Variants in LARGE1 observed in about 807,000 individuals in gnomAD.
The protein encoded by LARGE1 is LARGE xylosyl- and glucuronyltransferase 1.
In LARGE1, 43 loss-of-function variants were observed where a neutral mutation model predicts 87.6. That is an observed-to-expected ratio of 0.49 (90% CI 0.38 to 0.63). The LOEUF (loss-of-function observed/expected upper bound fraction) is 0.63, where lower values mean the gene tolerates loss of function less well. Ranked by LOEUF, LARGE1 falls within the 30% of genes least tolerant of loss-of-function variation. The probability of loss-of-function intolerance (pLI) is 0.00; values close to 1 mark genes in which losing one functional copy is unlikely to be tolerated. For missense variants in LARGE1, 802 were observed against 1,000.2 expected, an observed-to-expected ratio of 0.80 and a Z score of 2.67; for synonymous variants, 434 against 394.6, an observed-to-expected ratio of 1.10 and a Z score of -1.18.
intron 6 of LARGE1, among the ~76,000 whole-genome samples, chr22:33,449,447 C>A (rs1312692152): frequency 6.6e-6 from 1 of 152,144 alleles, no homozygotes; most frequent in East Asian, 1.9e-4. Context: ...AATGGAGAAT[C>A]CACAGGTGTG....
chr22:33,428,535 C>T (rs2147673306), intron 7 of LARGE1, among the ~76,000 whole-genome samples: 1 of 150,890 alleles, frequency 6.6e-6, no homozygotes, highest in Non-Finnish European at 1.5e-5. Flanking sequence ...GGCTGGTCTT[C>T]AACTCCTGAC....
At chr22:33,088,975 T>C in the LARGE1 span, among the ~76,000 whole-genome samples, 1 of 152,204 alleles carries the variant, frequency 6.6e-6, no homozygotes, top group Non-Finnish European at 1.5e-5. Context: ...ATTGTTATCA[T>C]CCATGCTGAG....
At position 33,903,448 on chromosome 22, in the gene LARGE1, T is replaced by A. The variant is rs35759081; in HGVS notation, c.-83+16547A>T. On this transcript the variant is annotated intron_variant, in intron 1 of 14. Transcript: ENST00000397394. ...GGAATTCCACCATTCTGAATTTTTT[T>A]AAAAAATAAATAAAATCACATAACA... is the stretch of plus-strand genomic sequence containing the variant. Among the ~76,000 whole-genome samples the A allele has an allele frequency of 7.4e-4, 113 of 151,946 alleles. 2 individuals carry two copies. The highest frequency in any genetic ancestry group is 1.9e-3 in the South Asian group (9 of 4,820).
intron 6 of LARGE1, among the ~76,000 whole-genome samples, chr22:33,554,551 G>A (rs762058): frequency 0.42 from 63,394 of 151,596 alleles, 13,600 homozygotes; most frequent in Admixed American, 0.48. Flanking sequence ...TTCACTCTAC[G>A]TCCCCATTCA....
At chr22:33,653,175 G>A (rs118053747) in intron 2 of LARGE1, among the ~76,000 whole-genome samples, 2 of 152,334 alleles carry the variant, frequency 1.3e-5, no homozygotes, top group African/African-American at 2.4e-5. Context: ...ACCTTCTGTA[G>A]TGTCTATCAT....
intron 12 of LARGE1, among the ~76,000 whole-genome samples, chr22:33,294,039 C>G (rs1279750842): frequency 6.6e-6 from 1 of 152,234 alleles, no homozygotes; most frequent in Non-Finnish European, 1.5e-5. Context: ...TCTACTCTCT[C>G]TTTTCTCACC....
chr22:33,091,516 C>T, the LARGE1 span, among the ~76,000 whole-genome samples: 4 of 151,852 alleles, frequency 2.6e-5, no homozygotes, highest in South Asian at 2.1e-4. Context: ...GCTGAGATCG[C>T]GCCACTGCTC....
intron 2 of LARGE1, among the ~76,000 whole-genome samples, chr22:33,720,738 T>C (rs1465532915): frequency 1.3e-5 from 2 of 152,194 alleles, no homozygotes. Flanking sequence ...AGGGCCTACA[T>C]CTCACAGATC....
In LARGE1 at chr22:33,650,541, G is replaced by C. The variant is rs1163573856; in HGVS notation, c.234C>G (p.Ala78=). ...RMREVEEENR[A]LRRQLSLAQG... ...GGGCCAGGCTGAGCTGCCTGCGGAGGGCGCGGTTCTCCTCCTCCACCTCGC... is the reference window on the plus strand; with the variant it reads ...GGGCCAGGCTGAGCTGCCTGCGGAGCGCGCGGTTCTCCTCCTCCACCTCGC... The change falls in exon 3 of 15, where the codon GCC becomes GCG. Residue 78 remains alanine (A), a synonymous_variant. Coordinates refer to ENST00000397394, the MANE Select transcript of LARGE1 (RefSeq NM_133642.5). The C allele has an allele frequency of 6.2e-7, 1 of 1,610,392 alleles. No homozygotes were observed. Among genetic ancestry groups the C allele is most frequent in the Non-Finnish European group, 8.5e-7 (1 of 1,179,948 alleles).
intron 1 of LARGE1, among the ~76,000 whole-genome samples, chr22:33,793,072 G>A (rs1356882183): frequency 1.3e-5 from 2 of 152,210 alleles, no homozygotes; most frequent in Non-Finnish European, 2.9e-5. Flanking sequence ...ATGCTGCAGC[G>A]AGCAGTGCCA....
intron 7 of LARGE1, among the ~76,000 whole-genome samples, chr22:33,409,701 A>G (rs904429802): frequency 3.9e-5 from 6 of 151,992 alleles, no homozygotes; most frequent in Admixed American, 6.6e-5. Context: ...CTCTACTAAA[A>G]ATACAAAAAA....
At chr22:33,698,362 G>A (rs761836930) in intron 2 of LARGE1, among the ~76,000 whole-genome samples, 4 of 148,390 alleles carry the variant, frequency 2.7e-5, no homozygotes, top group Non-Finnish European at 5.9e-5. Flanking sequence ...GTGCAGTGGT[G>A]TGATCTCTGC....
chr22:33,728,562 A>AC (rs2083347078), intron 2 of LARGE1, among the ~76,000 whole-genome samples: 3 of 142,066 alleles, frequency 2.1e-5, no homozygotes, highest in Non-Finnish European at 4.5e-5. Flanking sequence ...AAAAAAAAAA[A>AC]AAAAAAAAAA....
At chr22:33,510,663 C>T (rs902469311) in intron 6 of LARGE1, among the ~76,000 whole-genome samples, 1 of 152,206 alleles carries the variant, frequency 6.6e-6, no homozygotes, top group Non-Finnish European at 1.5e-5. Context: ...GCAACCTTGG[C>T]CTCGCAGGCT....
intron 4 of LARGE1, among the ~76,000 whole-genome samples, chr22:33,612,537 C>A (rs1442652995): frequency 6.6e-6 from 1 of 152,112 alleles, no homozygotes; most frequent in Non-Finnish European, 1.5e-5. Flanking sequence ...TACCAAGGGA[C>A]AACTCTGATA....
At chr22:33,260,471 T>C (rs1927566022) in intron 11 of LARGE1, among the ~76,000 whole-genome samples, 1 of 152,240 alleles carries the variant, frequency 6.6e-6, no homozygotes, top group Non-Finnish European at 1.5e-5. Context: ...ACTGTGCCCC[T>C]TTCCAACCGC....
intron 4 of LARGE1, among the ~76,000 whole-genome samples, chr22:33,622,250 G>T (rs753974203): frequency 4.6e-5 from 7 of 152,198 alleles, no homozygotes; most frequent in Non-Finnish European, 7.3e-5. Context: ...CCCCCATGCT[G>T]TTCTCATGAT....
intron 11 of LARGE1, among the ~76,000 whole-genome samples, chr22:33,266,943 A>G (rs936866206): frequency 2.6e-5 from 4 of 151,640 alleles, no homozygotes; most frequent in African/African-American, 4.9e-5. Context: ...CGTCTAGTAA[A>G]TAATATCTTC....
intron 2 of LARGE1, among the ~76,000 whole-genome samples, chr22:33,653,452 T>A (rs1178692336): frequency 6.6e-6 from 1 of 152,166 alleles, no homozygotes; most frequent in African/African-American, 2.4e-5. Context: ...TTGGAGCATT[T>A]GGGCAGAAAT....
Sources: gnomAD v4.1 joint callset for allele counts (sites outside exome capture counted in the v4.1 genomes callset) on GRCh38, gnomAD v4.1.1 for gene constraint, MANE v1.5 for transcripts, NCBI Gene and HGNC (gene_info 2026-07-23, HGNC 2026-07-21) for gene names.